Variants in PRPF3 observed in about 807,000 individuals in gnomAD.
PRPF3 encodes the protein U4/U6 small nuclear ribonucleoprotein Prp3.
PRPF3 carries 3 observed loss-of-function variants against 89.2 expected under a neutral mutation model. The ratio of observed to expected loss-of-function variants is 0.03; its 90% CI spans 0.02 to 0.09. PRPF3 has a LOEUF of 0.09. Among genes scored for constraint, PRPF3 ranks in the 10% least tolerant of loss-of-function variants. The pLI, the probability that PRPF3 is intolerant of heterozygous loss-of-function variation, is 1.00. For missense variants in PRPF3, 463 were observed against 828.8 expected (o/e 0.56, Z 5.42); for synonymous variants, 270 against 289.1 (o/e 0.93, Z 0.67).
chr1:150,334,032 C>T lies in PRPF3; in HGVS notation c.728+833C>T, dbSNP rs587751487. Among the ~76,000 whole-genome samples the T allele has an allele frequency of 2.4e-4, 37 of 152,136 alleles. No individual in the cohort carries two copies. In the South Asian group the frequency reaches 5.0e-3, roughly 20 times the overall value. ...TAATCAAGATACTATTGGCAGGGCG[C>T]GGTGGCTCACACCTGTAATCCCAGC... On this transcript the variant is annotated intron_variant, in intron 6 of 15. Coordinates refer to ENST00000324862, the MANE Select transcript of PRPF3 (RefSeq NM_004698.4).
At chr1:150,333,529 T>C (rs782621234) in intron 6 of PRPF3, among the ~76,000 whole-genome samples, 2 of 152,154 alleles carry the variant, frequency 1.3e-5, no homozygotes, top group Non-Finnish European at 2.9e-5. Flanking sequence ...ATCGTGCCAC[T>C]GCGTGGGTGA....
chr1:150,335,775 T>TTTG (rs1240296099), intron 7 of PRPF3, among the ~76,000 whole-genome samples: 5 of 149,272 alleles, frequency 3.3e-5, no homozygotes, highest in African/African-American at 9.9e-5. Context: ...TTTTTTTTTT[T>TTTG]GGGCGGGGAG....
In PRPF3 at chr1:150,344,458, C is replaced by T. The variant is rs1356575096; in HGVS notation, c.1551C>T (p.Ala517=). The part of the protein sequence containing the change: ...RQKAHEEANA[A]RKLTAEQRKV... Reference sequence around the variant, plus strand: ...GAGCGCATGAAGAGGCCAACGCTGCCCGAAAACTCACAGCAGAACAGAGAA... The same window carrying T: ...GAGCGCATGAAGAGGCCAACGCTGCTCGAAAACTCACAGCAGAACAGAGAA... The change falls in exon 12 of 16, where the codon GCC becomes GCT. Residue 517 remains alanine (A), a synonymous_variant. Coordinates refer to ENST00000324862, the MANE Select transcript of PRPF3 (RefSeq NM_004698.4). The T allele has an allele frequency of 1.1e-5, 17 of 1,613,862 alleles. No homozygotes were observed. The highest frequency in any genetic ancestry group is 1.4e-5 in the Non-Finnish European group (17 of 1,179,980).
At chr1:150,343,056 A>T in intron 9 of PRPF3, 1 of 166,330 alleles carries the variant, frequency 6.0e-6, no homozygotes, top group Non-Finnish European at 1.3e-5. Context: ...TGCCTGGCCA[A>T]CATGGTGAAA....
chr1:150,343,500 GT>G, intron 10 of PRPF3, 48 bp downstream of exon 10: 1 of 1,603,564 alleles, frequency 6.2e-7, no homozygotes, highest in Non-Finnish European at 8.5e-7. Context: ...GCAAGTTTAT[GT>G]CTTTAATCCT....
chr1:150,322,926 G>A (rs1655225936), intron 1 of PRPF3, among the ~76,000 whole-genome samples: 1 of 151,412 alleles, frequency 6.6e-6, no homozygotes, highest in African/African-American at 2.4e-5. Flanking sequence ...CCAGGCTGGA[G>A]TGCAGTGGTG....
intron 2 of PRPF3, 73 bp from the exon 3 acceptor site, chr1:150,325,678 A>G (rs9651179): frequency 8.3e-6 from 13 of 1,559,008 alleles, no homozygotes; most frequent in Non-Finnish European, 1.1e-5. Flanking sequence ...CAGTGTTGGT[A>G]CCTGTTATAG....
At chr1:150,340,570 A>G (rs1657584764) in intron 9 of PRPF3, 93 bp downstream of exon 9, 6 of 960,878 alleles carry the variant, frequency 6.2e-6, no homozygotes, top group Non-Finnish European at 8.4e-6. Context: ...TATGCTGTTC[A>G]ATACAATAGC....
chr1:150,345,810 A>G, intron 12 of PRPF3: 1 of 601,628 alleles, frequency 1.7e-6, no homozygotes, highest in Non-Finnish European at 3.0e-6. Flanking sequence ...TGGTTAATGT[A>G]AAGTGCTAGA....
chr1:150,322,763 A>T (rs1310601185), intron 1 of PRPF3, among the ~76,000 whole-genome samples: 2 of 152,286 alleles, frequency 1.3e-5, no homozygotes, highest in South Asian at 2.1e-4. Flanking sequence ...TGGAGAAAAG[A>T]TGTCTTAAAA....
At position 150,340,450 on chromosome 1, in the gene PRPF3, G is replaced by A; in HGVS notation, c.1255G>A (p.Glu419Lys). The A allele has an allele frequency of 6.2e-7, 1 of 1,607,120 alleles. No individual in the cohort carries two copies. The highest frequency in any genetic ancestry group is 8.5e-7 in the Non-Finnish European group (1 of 1,173,684). The part of the protein sequence containing the change: ...EDYFGITNLV[E>K]HPAQLNPPVD... ...TTATTTTGGAATCACAAATCTTGTTGAACATCCAGCCCAGCTCAATCCTCC... is the reference window on the plus strand; with the variant it reads ...TTATTTTGGAATCACAAATCTTGTTAAACATCCAGCCCAGCTCAATCCTCC... The change falls in exon 9 of 16, where the codon GAA (glutamate) becomes AAA (lysine). Residue 419 changes from glutamate (E) to lysine (K), a missense_variant. By Grantham distance (56) the Glu-to-Lys change is moderately conservative. Transcript: ENST00000324862.
At chr1:150,322,393 ATTAC>A (rs1655147040) in intron 1 of PRPF3, among the ~76,000 whole-genome samples, 1 of 152,224 alleles carries the variant, frequency 6.6e-6, no homozygotes, top group Admixed American at 6.5e-5. Flanking sequence ...GCTCCAAAGA[ATTAC>A]TTAACTTGCC....
chr1:150,335,763 C>CTTT (rs34699046), intron 7 of PRPF3, among the ~76,000 whole-genome samples: 15,386 of 142,318 alleles, frequency 0.11, 1,056 homozygotes, highest in Non-Finnish European at 0.12. Flanking sequence ...CCGCCCCCGC[C>CTTT]TTTTTTTTTT....
At chr1:150,330,504 TACCA>T (rs1215666256) in intron 4 of PRPF3, 2 of 149,988 alleles carry the variant, frequency 1.3e-5, no homozygotes, top group Admixed American at 1.3e-4. Flanking sequence ...TACAGGTATG[TACCA>T]CCATGCCCGA....
chr1:150,323,729 A>C (rs1655366053), intron 1 of PRPF3, among the ~76,000 whole-genome samples: 1 of 152,014 alleles, frequency 6.6e-6, no homozygotes, highest in South Asian at 2.1e-4. Context: ...ACCTGTATGC[A>C]GAATTCCCAC....
intron 3 of PRPF3, among the ~76,000 whole-genome samples, chr1:150,326,292 G>A (rs698914): frequency 0.41 from 62,331 of 151,828 alleles, 13,263 homozygotes; most frequent in East Asian, 0.7. Context: ...TCTTTGTAGA[G>A]GTTTCTCTGC....
intron 1 of PRPF3, among the ~76,000 whole-genome samples, chr1:150,323,481 C>T (rs935010177): frequency 6.6e-6 from 1 of 151,496 alleles, no homozygotes; most frequent in Non-Finnish European, 1.5e-5. Flanking sequence ...ATTAAAACTA[C>T]GAAATTGGCC....
intron 15 of PRPF3, among the ~76,000 whole-genome samples, chr1:150,351,685 T>TC (rs1658944437): frequency 6.8e-6 from 1 of 147,826 alleles, no homozygotes; most frequent in Admixed American, 6.8e-5. Context: ...TTTTTTTTTT[T>TC]TTTTTTTTAG....
chr1:150,326,519 TC>T (rs1163490702), intron 3 of PRPF3, among the ~76,000 whole-genome samples: 2 of 152,094 alleles, frequency 1.3e-5, no homozygotes, highest in African/African-American at 4.8e-5. Context: ...AGCCTATTTT[TC>T]TACTCATTTC....
Sources: gnomAD v4.1 joint callset for allele counts (sites outside exome capture counted in the v4.1 genomes callset) on GRCh38, gnomAD v4.1.1 for gene constraint, MANE v1.5 for transcripts, NCBI Gene and HGNC (gene_info 2026-07-23, HGNC 2026-07-21) for gene names.